ANO6: variants seen among roughly 807,000 people sequenced by gnomAD.
ANO6 encodes the protein anoctamin 6, also known as anoctamin-6.
In ANO6, 106 loss-of-function variants were observed where a neutral mutation model predicts 117.5. The observed-to-expected ratio is 0.90, with a 90% CI of 0.77 to 1.06. The LOEUF (loss-of-function observed/expected upper bound fraction) is 1.06. Ranked by LOEUF, ANO6 falls within the 50% of genes least tolerant of loss-of-function variation. The probability of loss-of-function intolerance (pLI) is 0.00; values close to 1 mark genes in which losing one functional copy is unlikely to be tolerated. For synonymous variants in ANO6, 367 were observed against 385.1 expected (o/e 0.95, Z 0.55); for missense variants, 955 against 1,121.1 (o/e 0.85, Z 2.12).
intron 7 of ANO6, among the ~76,000 whole-genome samples, chr12:45,354,228 C>A (rs1328776337): frequency 6.8e-6 from 1 of 146,034 alleles, no homozygotes; most frequent in Non-Finnish European, 1.5e-5. Context: ...ATCCTGCTAT[C>A]CTTTGGAAAG....
At chr12:45,280,191 A>G (rs1388403289) in intron 1 of ANO6, among the ~76,000 whole-genome samples, 5 of 152,228 alleles carry the variant, frequency 3.3e-5, no homozygotes, top group Non-Finnish European at 5.9e-5. Context: ...CCATGTTTGA[A>G]AAGATAATAC....
intron 2 of ANO6, among the ~76,000 whole-genome samples, chr12:45,314,293 T>C (rs1282550300): frequency 6.6e-6 from 1 of 151,908 alleles, no homozygotes; most frequent in Non-Finnish European, 1.5e-5. Context: ...ATGACCATAA[T>C]GTACACCCAG....
intron 9 of ANO6, among the ~76,000 whole-genome samples, chr12:45,376,596 G>T (rs1358493624): frequency 6.8e-6 from 1 of 146,962 alleles, no homozygotes; most frequent in Non-Finnish European, 1.5e-5. Context: ...GTAAACTATC[G>T]CAAGAACAAA....
intron 3 of ANO6, among the ~76,000 whole-genome samples, chr12:45,338,601 A>G (rs753927461): frequency 7.2e-5 from 11 of 152,066 alleles, no homozygotes; most frequent in East Asian, 5.8e-4. Context: ...GGAGGTCTTT[A>G]TATTTTTATC....
At chr12:45,348,839 G>T (rs1408850150) in intron 6 of ANO6, among the ~76,000 whole-genome samples, 1 of 152,158 alleles carries the variant, frequency 6.6e-6, no homozygotes, top group Non-Finnish European at 1.5e-5. Flanking sequence ...TTAAAGGAGC[G>T]AATGAATGAA....
intron 18 of ANO6, among the ~76,000 whole-genome samples, chr12:45,422,216 A>G (rs1228435785): frequency 6.6e-6 from 1 of 152,240 alleles, no homozygotes; most frequent in Non-Finnish European, 1.5e-5. Flanking sequence ...GATATCTGAC[A>G]ACAAAGAATT....
intron 1 of ANO6, among the ~76,000 whole-genome samples, chr12:45,297,687 A>G (rs1044980739): frequency 2.6e-5 from 4 of 152,188 alleles, no homozygotes; most frequent in African/African-American, 9.7e-5. Flanking sequence ...TATTGCTTCA[A>G]TTTCACTATA....
intron 1 of ANO6, among the ~76,000 whole-genome samples, chr12:45,260,771 G>T (rs546013960): frequency 1.5e-3 from 226 of 151,966 alleles, no homozygotes; most frequent in South Asian, 0.011. Flanking sequence ...TGAGTTTTTA[G>T]TTTTATTTTT....
At chr12:45,347,194 C>G in intron 4 of ANO6, 107 bp downstream of exon 4, 1 of 1,047,306 alleles carries the variant, frequency 9.5e-7, no homozygotes, top group Admixed American at 1.8e-5. Flanking sequence ...CTGGCCACAT[C>G]TTAGTCATAG....
At chr12:45,301,193 G>C (rs902906718) in intron 1 of ANO6, among the ~76,000 whole-genome samples, 2 of 151,888 alleles carry the variant, frequency 1.3e-5, no homozygotes, top group African/African-American at 4.8e-5. Flanking sequence ...AATTAGGGTA[G>C]TATGGGTTAA....
downstream of ANO6, among the ~76,000 whole-genome samples, chr12:45,434,372 G>A (rs117791139): frequency 1.2e-3 from 180 of 152,314 alleles, 1 homozygote; most frequent in Admixed American, 2.0e-3. Flanking sequence ...CTACAGCCCT[G>A]GAAACAAGCG....
At chr12:45,219,964 G>A (rs1215218322) in intron 1 of ANO6, among the ~76,000 whole-genome samples, 2 of 152,286 alleles carry the variant, frequency 1.3e-5, no homozygotes. Flanking sequence ...GTTAGGTTGT[G>A]TGCTACCCTG....
intron 2 of ANO6, among the ~76,000 whole-genome samples, chr12:45,307,813 AGTCTT>A (rs1317165449): frequency 2.6e-5 from 4 of 152,138 alleles, no homozygotes; most frequent in Middle Eastern, 3.2e-3. Context: ...GAAAGTGAAG[AGTCTT>A]GGAAGCCAAG....
intron 16 of ANO6, among the ~76,000 whole-genome samples, chr12:45,411,542 A>T (rs112233015): frequency 1.5e-3 from 233 of 152,328 alleles, no homozygotes; most frequent in African/African-American, 5.1e-3. Flanking sequence ...CTAGAAATAA[A>T]CATTGAGTGC....
intron 12 of ANO6, among the ~76,000 whole-genome samples, chr12:45,396,841 G>T (rs1033206636): frequency 6.6e-6 from 1 of 152,070 alleles, no homozygotes; most frequent in Non-Finnish European, 1.5e-5. Context: ...AATTCAAGAT[G>T]GATTAAAGAC....
At chr12:45,388,401 A>G (rs1164338581) in intron 11 of ANO6, 98 bp downstream of exon 11, 76 of 1,469,628 alleles carry the variant, frequency 5.2e-5, no homozygotes, top group Non-Finnish European at 6.2e-5. Context: ...CTTAAAAAAT[A>G]TTGATACCTG....
At chr12:45,292,519 A>G (rs958484724) in intron 1 of ANO6, among the ~76,000 whole-genome samples, 1 of 152,234 alleles carries the variant, frequency 6.6e-6, no homozygotes, top group African/African-American at 2.4e-5. Context: ...TAAGAGAACT[A>G]ATGAATTCAC....
intron 1 of ANO6, among the ~76,000 whole-genome samples, chr12:45,246,940 A>G (rs1565643445): frequency 7.0e-6 from 1 of 142,352 alleles, no homozygotes; most frequent in East Asian, 2.0e-4. Context: ...CATTGTTTTT[A>G]TTTTTTTTTG....
intron 2 of ANO6, among the ~76,000 whole-genome samples, chr12:45,317,616 T>C (rs561331361): frequency 6.6e-6 from 1 of 152,288 alleles, no homozygotes; most frequent in African/African-American, 2.4e-5. Flanking sequence ...GCATGATTTA[T>C]ATTCCTTTGG....
Sources: gnomAD v4.1 joint callset for allele counts (sites outside exome capture counted in the v4.1 genomes callset) on GRCh38, gnomAD v4.1.1 for gene constraint, MANE v1.5 for transcripts, NCBI Gene and HGNC (gene_info 2026-07-23, HGNC 2026-07-21) for gene names.